The following TJAP1 variants were observed in gnomAD, a reference collection of about 807,000 sequenced individuals.
The protein encoded by TJAP1 is tight junction associated protein 1.
TJAP1 carries 27 observed loss-of-function variants against 42.0 expected under a neutral mutation model. The observed-to-expected ratio is 0.64, with a 90% CI of 0.47 to 0.89. The LOEUF (loss-of-function observed/expected upper bound fraction) is 0.89. Among genes scored for constraint, TJAP1 ranks in the 40% least tolerant of loss-of-function variants. TJAP1 has a pLI of 0.00. For synonymous variants in TJAP1, 257 were observed against 288.4 expected, an observed-to-expected ratio of 0.89 and a Z score of 1.10; for missense variants, 712 against 726.9, an observed-to-expected ratio of 0.98 and a Z score of 0.24.
At chr6:43,502,057 C>CACAT (rs1328816471) in intron 6 of TJAP1, among the ~76,000 whole-genome samples, 2 of 121,380 alleles carry the variant, frequency 1.6e-5, no homozygotes, top group African/African-American at 7.4e-5. Flanking sequence ...GACACACACA[C>CACAT]ACACACACAC....
intron 2 of TJAP1, among the ~76,000 whole-genome samples, chr6:43,481,652 C>G (rs1785348486): frequency 6.6e-6 from 1 of 150,796 alleles, no homozygotes; most frequent in Non-Finnish European, 1.5e-5. Flanking sequence ...AAATAGAAAA[C>G]AAATGTGCTG....
At chr6:43,477,944 GAT>G (rs2127438211) in intron 1 of TJAP1, 141 bp from the exon 2 acceptor site, 1 of 152,756 alleles carries the variant, frequency 6.5e-6, no homozygotes, top group African/African-American at 2.4e-5. Context: ...TGGAGCGTGG[GAT>G]AGAGGCCCGA....
intron 1 of TJAP1, among the ~76,000 whole-genome samples, 199 bp downstream of exon 1, chr6:43,477,827 G>A (rs1784526802): frequency 1.3e-5 from 2 of 152,252 alleles, no homozygotes; most frequent in African/African-American, 2.4e-5. Context: ...GCAGCCCTAG[G>A]GGAGGGGGAT....
At chr6:43,501,128 T>C (rs1246970829) in intron 5 of TJAP1, 4 of 381,422 alleles carry the variant, frequency 1.0e-5, no homozygotes, top group Non-Finnish European at 1.9e-5. Context: ...CTGGGCTGGA[T>C]TTCCAAGAGA....
chr6:43,497,240 C>A (rs1334002181), intron 2 of TJAP1: 1 of 152,158 alleles, frequency 6.6e-6, no homozygotes, highest in Non-Finnish European at 1.5e-5. Context: ...CAGACACTTG[C>A]CAGACGTCCC....
intron 2 of TJAP1, among the ~76,000 whole-genome samples, chr6:43,490,171 T>C (rs1787488090): frequency 6.6e-6 from 1 of 152,222 alleles, no homozygotes; most frequent in Non-Finnish European, 1.5e-5. Flanking sequence ...TACTACTGCG[T>C]CCCTCTATTT....
rs1406768495 is a variant in TJAP1, at chr6:43,502,105, C to CTG, written c.291-177_291-176insGT. Among the ~76,000 whole-genome samples the CTG allele has an allele frequency of 1.3e-4, 19 of 150,808 alleles. 1 individual carries two copies. The highest frequency in any genetic ancestry group is 3.0e-5 in the Non-Finnish European group (2 of 67,650). The stretch of plus-strand genomic sequence containing the variant: ...TCTCTCTCTCTCTCTCTCTCTCTCT[C>CTG]TCTCTCCTTTCATAGGAGGTTAGCT... On this transcript the variant is annotated intron_variant, in intron 6 of 10. Coordinates refer to ENST00000372449, the Ensembl canonical transcript of TJAP1.
intron 2 of TJAP1, among the ~76,000 whole-genome samples, chr6:43,494,151 G>A (rs1031428252): frequency 6.6e-6 from 1 of 152,144 alleles, no homozygotes; most frequent in Non-Finnish European, 1.5e-5. Flanking sequence ...CAGGGCAGGC[G>A]GCAACAGGCG....
intron 2 of TJAP1, among the ~76,000 whole-genome samples, chr6:43,493,985 C>A (rs1466822290): frequency 1.3e-5 from 2 of 152,172 alleles, no homozygotes; most frequent in African/African-American, 4.8e-5. Context: ...TCATGCCTTA[C>A]ACCTATTCTG....
chr6:43,502,102 T>TCTCTCTCC (rs1791032660), intron 6 of TJAP1, among the ~76,000 whole-genome samples, 181 bp from the exon 7 acceptor site: 1 of 150,688 alleles, frequency 6.6e-6, no homozygotes, highest in Non-Finnish European at 1.5e-5. Flanking sequence ...TCTCTCTCTC[T>TCTCTCTCC]CTCTCTCTCC....
At chr6:43,489,527 G>C (rs972490330) in intron 2 of TJAP1, 1 of 152,602 alleles carries the variant, frequency 6.6e-6, no homozygotes, top group Non-Finnish European at 1.5e-5. Context: ...GACTCTGCTG[G>C]CACTGGTGCG....
At chr6:43,494,649 T>A (rs885039) in intron 2 of TJAP1, among the ~76,000 whole-genome samples, 1 of 101,102 alleles carries the variant, frequency 9.9e-6, no homozygotes, top group Admixed American at 8.6e-5. Context: ...GTTGATTTCC[T>A]TTTTTTTTTT....
At chr6:43,500,115 G>A (rs774488391) in intron 4 of TJAP1, among the ~76,000 whole-genome samples, 1 of 152,202 alleles carries the variant, frequency 6.6e-6, no homozygotes, top group South Asian at 2.1e-4. Flanking sequence ...TCCCTCTCGC[G>A]ATAGCAGGGG....
chr6:43,484,925 A>G (rs182222824), intron 2 of TJAP1, among the ~76,000 whole-genome samples: 3 of 152,276 alleles, frequency 2.0e-5, no homozygotes, highest in Non-Finnish European at 4.4e-5. Context: ...GCGGGGTTTT[A>G]CCAAGTTGGC....
In TJAP1 at chr6:43,491,143, G is replaced by A. The variant is rs1279738738; in HGVS notation, c.-121-6738G>A. ...AGGCAGCAGCCTACCAGCACTGGGT[G>A]GGAGCTTGTAAATGGGAGAGGGTGT... On this transcript the variant is annotated intron_variant, in intron 2 of 10. Transcript: ENST00000372449. This position sits in a 1 kb window ranked among gnomAD's most constrained non-coding sequence, Gnocchi z 4.6. Among the ~76,000 whole-genome samples, 1 of 152,106 alleles carries A rather than the reference G, an allele frequency of 6.6e-6. No homozygotes were observed. The highest frequency in any genetic ancestry group is 1.5e-5 in the Non-Finnish European group (1 of 68,016).
intron 2 of TJAP1, among the ~76,000 whole-genome samples, chr6:43,487,622 AT>A (rs1350411546): frequency 6.6e-6 from 1 of 152,134 alleles, no homozygotes; most frequent in African/African-American, 2.4e-5. Flanking sequence ...CAAAGGAAAT[AT>A]CATGGAAGGG....
chr6:43,501,707 GACACACACACACACACACACAC>G lies in TJAP1; in HGVS notation c.290+51_290+72del, dbSNP rs70990192. 2.6e-4 allele frequency: 147 copies of G among 571,812 alleles called. No individual in the cohort carries two copies. Among genetic ancestry groups the G allele is most frequent in the East Asian group, 5.9e-4 (16 of 27,344 alleles). The allele number at this position is 571,812 out of a possible 1,614,324, so 35.4% of individuals were successfully genotyped here. A position where few individuals can be genotyped will look rare whatever the true frequency, so the allele number is the denominator to read the frequency against. ...CCGCAGGTGTGGGAATGAGGGGCCA[GACACACACACACACACACACAC>G]ACACACACACACACACACACACACA... is the stretch of plus-strand genomic sequence containing the variant. On this transcript the variant is annotated intron_variant, in intron 6 of 10. Coordinates refer to ENST00000372449, the Ensembl canonical transcript of TJAP1.
chr6:43,486,756 T>C (rs375937275), intron 2 of TJAP1, among the ~76,000 whole-genome samples: 1 of 152,182 alleles, frequency 6.6e-6, no homozygotes. Flanking sequence ...TATTGCCCAC[T>C]GTAACCTGCT....
chr6:43,482,087 A>C (rs566796153), intron 2 of TJAP1, among the ~76,000 whole-genome samples: 1 of 152,340 alleles, frequency 6.6e-6, no homozygotes, highest in East Asian at 1.9e-4. Context: ...CTTGGGAGCC[A>C]TATATCTTAG....
Sources: gnomAD v4.1 joint callset for allele counts (sites outside exome capture counted in the v4.1 genomes callset) on GRCh38, gnomAD v4.1.1 for gene constraint, Gnocchi (gnomAD v3.1) non-coding constraint, MANE v1.5 for transcripts, NCBI Gene and HGNC (gene_info 2026-07-23, HGNC 2026-07-21) for gene names.